The following CELSR1 variants were observed in gnomAD, a reference collection of about 807,000 sequenced individuals.
The protein encoded by CELSR1 is adhesion G protein-coupled receptor C1.
CELSR1 carries 110 observed loss-of-function variants against 249.1 expected under a neutral mutation model. The ratio of observed to expected loss-of-function variants is 0.44; its 90% CI spans 0.38 to 0.52. The LOEUF is 0.52. CELSR1 is among the 20% of genes least tolerant of loss of function. CELSR1 has a pLI of 0.00. For missense variants in CELSR1, 4,109 were observed against 4,296.4 expected (o/e 0.96, Z 1.22); for synonymous variants, 2,113 against 1,900.0 (o/e 1.11, Z -2.92).
rs780457386 is a variant in CELSR1 at position 46,436,207 on chromosome 22, C to G, written c.4489G>C (p.Val1497Leu). 5 of 1,613,228 alleles carry G rather than the reference C, an allele frequency of 3.1e-6. No individual in the cohort carries two copies. Among genetic ancestry groups the G allele is most frequent in the South Asian group, 1.1e-5 (1 of 91,062 alleles). Reference protein sequence around the residue: ...EKHDFIALEIVDEQVQLTFSA... With the variant: ...EKHDFIALEILDEQVQLTFSA... ...AAGGTGAGCTGCACCTGCTCGTCCA[C>G]GATCTCCAGGGCGATGAAGTCGTGC... The change falls in exon 4 of 35, where the codon GTG becomes CTG. Residue 1497 changes from valine (V) to leucine (L), a missense_variant. Val to Leu is a conservative substitution (Grantham distance 32). This residue lies in a region of CELSR1 where 453 missense variants were observed against 492.0 expected (regional missense o/e 0.92). Coordinates refer to ENST00000674500, the MANE Select transcript of CELSR1 (RefSeq NM_001378328.1). This position sits in a 1 kb window ranked among gnomAD's most constrained non-coding sequence, Gnocchi z 5.9.
chr22:46,534,869 T>A lies in CELSR1; in HGVS notation c.2302A>T (p.Thr768Ser). The change falls in exon 1 of 35, where the codon ACA becomes TCA. Residue 768 changes from threonine (T) to serine (S), a missense_variant. Physicochemically the swap from Thr to Ser is moderately conservative, Grantham distance 58. This residue lies in a region of CELSR1 where 886 missense variants were observed against 896.5 expected (regional missense o/e 0.99). Coordinates refer to ENST00000674500, the MANE Select transcript of CELSR1 (RefSeq NM_001378328.1). The surrounding 1 kb of genome is among the most constrained non-coding windows in gnomAD (Gnocchi z 9.7). ...AGGACATGCGCAGTGTGCGACCGTGTGCCGTCGGATGCTGTCACCGCCAGC... is the reference window on the plus strand; with the variant it reads ...AGGACATGCGCAGTGTGCGACCGTGAGCCGTCGGATGCTGTCACCGCCAGC... ...YVLAVTASDGTRSHTAHVLIN... is the reference protein window; with the variant it reads ...YVLAVTASDGSRSHTAHVLIN... The A allele has an allele frequency of 6.2e-7, 1 of 1,612,742 alleles. No individual in the cohort carries two copies. The highest frequency in any genetic ancestry group is 8.5e-7 in the Non-Finnish European group (1 of 1,179,996).
In CELSR1 at chr22:46,365,340, C is replaced by T; in HGVS notation, c.8445G>A (p.Glu2815=). 6.2e-7 allele frequency: 1 copy of T among 1,612,966 alleles called. No individual in the cohort carries two copies. The highest frequency in any genetic ancestry group is 1.3e-5 in the African/African-American group (1 of 75,070). Residue 2815 remains glutamate, a synonymous_variant, in exon 32 of 35, where the codon GAG becomes GAA. Coordinates refer to ENST00000674500, the MANE Select transcript of CELSR1 (RefSeq NM_001378328.1). ...SDSDSELSLD[E]QSSSYASSHS... ...GTGAGGAGGCGTAAGAGCTGCTCTG[C>T]TCATCCAGGGACAGCTCGCTATCTG... is the stretch of plus-strand genomic sequence containing the variant.
chr22:46,519,621 C>A (rs943174545), intron 1 of CELSR1, among the ~76,000 whole-genome samples: 3 of 152,154 alleles, frequency 2.0e-5, no homozygotes, highest in African/African-American at 7.2e-5. Context: ...TTGGGAGGTG[C>A]CCAAGACATC....
intron 1 of CELSR1, among the ~76,000 whole-genome samples, chr22:46,507,128 G>A (rs1022700936): frequency 2.6e-5 from 4 of 152,202 alleles, no homozygotes; most frequent in African/African-American, 4.8e-5. Context: ...GGAGGTTGCA[G>A]TGAGCTGAGA....
chr22:46,464,063 G>A lies in CELSR1; in HGVS notation c.3827C>T (p.Pro1276Leu), dbSNP rs143212879. 2.2e-5 allele frequency: 36 copies of A among 1,613,666 alleles called. No individual in the cohort carries two copies. The Admixed American group carries it at 2.8e-4, about 13-fold the overall frequency. The change falls in exon 2 of 35, where the codon CCG becomes CTG. Residue 1276 changes from proline to leucine, a missense_variant. This residue lies in a region of CELSR1 where 141 missense variants were observed against 209.4 expected (regional missense o/e 0.67). Transcript: ENST00000674500. The surrounding 1 kb of genome is among the most constrained non-coding windows in gnomAD (Gnocchi z 8.5). Reference protein sequence around the residue: ...LPGGVRGQFFPSEDLQEQIYL... With the variant: ...LPGGVRGQFFLSEDLQEQIYL... ...GATCTGCTCCTGCAGGTCCTCCGAC[G>A]GGAAGAACTGGCCGCGGACGCCGCC...
At chr22:46,501,040 T>A (rs1370395577) in intron 1 of CELSR1, among the ~76,000 whole-genome samples, 8 of 151,842 alleles carry the variant, frequency 5.3e-5, no homozygotes, top group Non-Finnish European at 1.5e-5. Flanking sequence ...TTATTTTATT[T>A]CATTTTTTAT....
chr22:46,452,465 A>C (rs1489058000), intron 2 of CELSR1, among the ~76,000 whole-genome samples: 2 of 152,158 alleles, frequency 1.3e-5, no homozygotes, highest in Admixed American at 6.5e-5. Flanking sequence ...GGATACCACA[A>C]CACCTGGTCC....
At position 46,362,857 on chromosome 22, in the gene CELSR1, C is replaced by T. The variant is rs566735421; in HGVS notation, c.*366G>A. On this transcript the variant is annotated 3_prime_UTR_variant, in exon 35 of 35. Coordinates refer to ENST00000674500, the MANE Select transcript of CELSR1 (RefSeq NM_001378328.1). Reference sequence around the variant, plus strand: ...ACCGCGGTCTTTGGTCTGTGCCCGGCGTTCCTGAACTCTGGCCAGCCTCTG... The same window carrying T: ...ACCGCGGTCTTTGGTCTGTGCCCGGTGTTCCTGAACTCTGGCCAGCCTCTG... The T allele has an allele frequency of 9.5e-5, 38 of 399,486 alleles. 1 individual carries two copies. In the South Asian group the frequency reaches 1.2e-3, roughly 13 times the overall value. 24.7% of individuals were successfully genotyped at this position (399,486 alleles called of 1,614,324 possible).
intron 20 of CELSR1, 61 bp downstream of exon 20, chr22:46,384,481 GC>G: frequency 6.6e-7 from 1 of 1,516,740 alleles, no homozygotes; most frequent in Non-Finnish European, 8.9e-7. Context: ...CCGCAGCGGG[GC>G]CCTCCCCTCC....
At chr22:46,382,958 T>C (rs1282579732) in intron 20 of CELSR1, among the ~76,000 whole-genome samples, 2 of 152,202 alleles carry the variant, frequency 1.3e-5, no homozygotes, top group Non-Finnish European at 2.9e-5. Flanking sequence ...GGAGATGGAC[T>C]GTTTAAACAT....
Position 46,464,014 on chromosome 22 carries a change from G to C in CELSR1, c.3876C>G (p.Thr1292=). Residue 1292 remains threonine (T), a synonymous_variant, in exon 2 of 35, where the codon ACC becomes ACG. Transcript: ENST00000674500. The surrounding 1 kb of genome is among the most constrained non-coding windows in gnomAD (Gnocchi z 8.5). ...GCAGCACGCGCTGCGTGGAGATGGT[G>C]GTCAGCAGCGTCCGATTCAGGTAGA... ...EQIYLNRTLL[T]TISTQRVLPF... The C allele has an allele frequency of 6.2e-7, 1 of 1,613,842 alleles. No homozygotes were observed. Among genetic ancestry groups the C allele is most frequent in the Non-Finnish European group, 8.5e-7 (1 of 1,180,038 alleles).
At chr22:46,369,577 T>C in intron 26 of CELSR1, 115 bp downstream of exon 26, 4 of 916,754 alleles carry the variant, frequency 4.4e-6, no homozygotes, top group Non-Finnish European at 6.7e-6. Context: ...AAGGTGGCCC[T>C]TCCTGCCCCC....
At position 46,369,784 on chromosome 22, in the gene CELSR1, G is replaced by T. The variant is rs368486498; in HGVS notation, c.7780C>A (p.Pro2594Thr). The T allele has an allele frequency of 1.2e-6, 2 of 1,613,142 alleles. No individual in the cohort carries two copies. Among genetic ancestry groups the T allele is most frequent in the East Asian group, 4.5e-5 (2 of 44,880 alleles). Residue 2594 changes from proline (P) to threonine (T), a missense_variant, in exon 26 of 35, where the codon CCC (proline) becomes ACC (threonine). Transcript: ENST00000674500. ...AAGTCGGGGTTCCCGTAGCCCTGGG[G>T]GTCCAGGCCGACCGCCAGTCCTGAA... ...IVTGLAVGLD[P>T]QGYGNPDFCW...
At position 46,417,390 on chromosome 22, in the gene CELSR1, C is replaced by T. The variant is rs183702874; in HGVS notation, c.4612-5631G>A. 6.6e-6 allele frequency among the ~76,000 whole-genome samples: 1 copy of T among 152,328 alleles called. No individual in the cohort carries two copies. Among genetic ancestry groups the T allele is most frequent in the African/African-American group, 2.4e-5 (1 of 41,568 alleles). On this transcript the variant is annotated intron_variant, in intron 5 of 34. Coordinates refer to ENST00000674500, the MANE Select transcript of CELSR1 (RefSeq NM_001378328.1). The surrounding 1 kb of genome is among the most constrained non-coding windows in gnomAD (Gnocchi z 4.1). Reference sequence around the variant, plus strand: ...CTTTGCCAGAATGCAAACCTCAGACCGAGCTGCTACTTCCTGGTGGTCCCA... The same window carrying T: ...CTTTGCCAGAATGCAAACCTCAGACTGAGCTGCTACTTCCTGGTGGTCCCA...
rs537058787 is a variant in CELSR1 at position 46,536,511 on chromosome 22, C to T, written c.660G>A (p.Pro220=). ...ASPSPSPPLP[P]NLPEARAGPA... Reference sequence around the variant, plus strand: ...GCCCCGCCCGGGCTTCGGGCAAGTTCGGCGGCAGGGGCGGCGATGGGGATG... The same window carrying T: ...GCCCCGCCCGGGCTTCGGGCAAGTTTGGCGGCAGGGGCGGCGATGGGGATG... The change falls in exon 1 of 35, where the codon CCG becomes CCA. Residue 220 remains proline, a synonymous_variant. Transcript: ENST00000674500. 6 of 1,516,536 alleles carry T rather than the reference C, an allele frequency of 4.0e-6. No individual in the cohort carries two copies. Among genetic ancestry groups the T allele is most frequent in the Non-Finnish European group, 5.3e-6 (6 of 1,136,826 alleles). 93.9% of individuals were successfully genotyped at this position (1,516,536 alleles called of 1,614,324 possible).
intron 5 of CELSR1, among the ~76,000 whole-genome samples, chr22:46,416,688 G>A (rs6008813): frequency 0.25 from 37,960 of 152,074 alleles, 5,283 homozygotes; most frequent in African/African-American, 0.37. Context: ...GCCCAGAAGC[G>A]CTAAGCTGTG....
At chr22:46,422,192 A>AC in intron 5 of CELSR1, among the ~76,000 whole-genome samples, 1 of 151,616 alleles carries the variant, frequency 6.6e-6, no homozygotes, top group Non-Finnish European at 1.5e-5. Context: ...TGCAACCTCT[A>AC]CCTCCCAGGT....
intron 2 of CELSR1, among the ~76,000 whole-genome samples, chr22:46,456,621 C>T (rs2079954593): frequency 7.1e-6 from 1 of 140,028 alleles, no homozygotes; most frequent in Non-Finnish European, 1.5e-5. Flanking sequence ...CGAGATTGTG[C>T]CGCTGCACTT....
intron 20 of CELSR1, among the ~76,000 whole-genome samples, 198 bp downstream of exon 20, chr22:46,384,345 G>T (rs1041007934): frequency 6.6e-6 from 1 of 152,210 alleles, no homozygotes; most frequent in African/African-American, 2.4e-5. Context: ...CAGATTTCAG[G>T]ATTAGGATGT....
Sources: allele counts gnomAD v4.1 joint callset (sites outside exome capture counted in the v4.1 genomes callset), GRCh38; gene constraint gnomAD v4.1.1; regional missense constraint gnomAD v4.1.1; non-coding constraint Gnocchi (gnomAD v3.1); transcripts MANE v1.5; gene names NCBI Gene and HGNC (gene_info 2026-07-23, HGNC 2026-07-21).